The following FAT3 variants were observed in gnomAD, a reference collection of about 807,000 sequenced individuals.
FAT3 encodes the protein protocadherin Fat 3.
A neutral mutation model predicts 310.2 loss-of-function variants in FAT3; 95 were observed. That is an observed-to-expected ratio of 0.31 (90% CI 0.26 to 0.36). FAT3 has a LOEUF of 0.36. Ranked by LOEUF, FAT3 falls within the 10% of genes least tolerant of loss-of-function variation. The pLI, the probability that FAT3 is intolerant of heterozygous loss-of-function variation, is 1.00. For missense variants in FAT3, 5,408 were observed against 5,715.6 expected (o/e 0.95, Z 1.74); for synonymous variants, 2,314 against 2,192.9 (o/e 1.06, Z -1.54).
chr11:92,433,780 G>A (rs534784975), intron 2 of FAT3, among the ~76,000 whole-genome samples: 79 of 152,126 alleles, frequency 5.2e-4, no homozygotes, highest in African/African-American at 1.6e-3. Flanking sequence ...GGAGGCCGAG[G>A]CAGGTGGATC....
At chr11:92,784,193 A>C (rs908142668) in intron 7 of FAT3, among the ~76,000 whole-genome samples, 1 of 152,220 alleles carries the variant, frequency 6.6e-6, no homozygotes, top group Non-Finnish European at 1.5e-5. Flanking sequence ...TAAACCAGAA[A>C]TAATAAAGTC....
chr11:92,392,595 T>C (rs1287533274), intron 2 of FAT3, among the ~76,000 whole-genome samples: 1 of 152,172 alleles, frequency 6.6e-6, no homozygotes, highest in East Asian at 1.9e-4. Context: ...CACCCTATAC[T>C]GTAATGTAGC....
At chr11:92,312,651 C>G (rs1413762551) in intron 1 of FAT3, among the ~76,000 whole-genome samples, 1 of 152,138 alleles carries the variant, frequency 6.6e-6, no homozygotes, top group African/African-American at 2.4e-5. Context: ...AAAACATTCT[C>G]TTTTTGTGAG....
At position 92,574,503 on chromosome 11, in the gene FAT3, A is replaced by T; in HGVS notation, c.3607+49555A>T. Among the ~76,000 whole-genome samples the T allele has an allele frequency of 2.0e-5, 3 of 152,234 alleles. No individual in the cohort carries two copies. The Middle Eastern group carries it at 0.01, about 518-fold the overall frequency. ...TTGCAGGACTTCCATTTCTTCATTG[A>T]TAAAATGGGAAATAATATGAATCAC... On this transcript the variant is annotated intron_variant, in intron 3 of 27. Coordinates refer to ENST00000525166, the MANE Select transcript of FAT3 (RefSeq NM_001367949.2).
chr11:92,470,153 G>A (rs948556548), intron 2 of FAT3, among the ~76,000 whole-genome samples: 5 of 152,150 alleles, frequency 3.3e-5, no homozygotes, highest in Non-Finnish European at 7.3e-5. Flanking sequence ...ATTGCCCGAG[G>A]CAGAACCCAG....
intron 16 of FAT3, 138 bp from the exon 17 acceptor site, chr11:92,837,525 A>G: frequency 9.6e-7 from 1 of 1,038,672 alleles, no homozygotes; most frequent in Admixed American, 2.7e-5. Flanking sequence ...TGGTGCCAAG[A>G]ATCACCCGGT....
intron 4 of FAT3, among the ~76,000 whole-genome samples, chr11:92,706,490 A>T (rs1052451166): frequency 6.6e-6 from 1 of 152,034 alleles, no homozygotes; most frequent in African/African-American, 2.4e-5. Context: ...GCAGGTGTGG[A>T]AGCAGGTAGG....
At chr11:92,562,180 A>C (rs140681860) in intron 3 of FAT3, among the ~76,000 whole-genome samples, 44 of 152,290 alleles carry the variant, frequency 2.9e-4, no homozygotes, top group African/African-American at 1.0e-3. Flanking sequence ...GTTTTTACAT[A>C]TATGAATCAG....
intron 2 of FAT3, among the ~76,000 whole-genome samples, chr11:92,365,564 T>C (rs923686823): frequency 6.6e-6 from 1 of 152,170 alleles, no homozygotes; most frequent in Non-Finnish European, 1.5e-5. Flanking sequence ...GAAGAGGATG[T>C]ATAGATGATT....
chr11:92,318,784 C>T (rs953505531), intron 1 of FAT3, among the ~76,000 whole-genome samples: 2 of 152,012 alleles, frequency 1.3e-5, no homozygotes, highest in African/African-American at 4.8e-5. Context: ...GGGAAGATAC[C>T]AGGAGAACTG....
intron 4 of FAT3, among the ~76,000 whole-genome samples, chr11:92,725,795 TTTATATA>T (rs1201399033): frequency 6.6e-6 from 1 of 152,168 alleles, no homozygotes; most frequent in African/African-American, 2.4e-5. Context: ...TATAATCCTC[TTTATATA>T]GAGACTCCTT....
At chr11:92,272,105 G>A (rs924861982) in intron 1 of FAT3, among the ~76,000 whole-genome samples, 10 of 152,096 alleles carry the variant, frequency 6.6e-5, no homozygotes, top group Non-Finnish European at 1.5e-4. Flanking sequence ...TATGCATCAA[G>A]AAACTCTCTA....
chr11:92,508,377 G>A (rs934123887), intron 2 of FAT3, among the ~76,000 whole-genome samples: 1 of 152,082 alleles, frequency 6.6e-6, no homozygotes, highest in Non-Finnish European at 1.5e-5. Flanking sequence ...ACTGAAGGCT[G>A]TTACTTTATA....
chr11:92,503,867 C>A (rs1953019813), intron 2 of FAT3, among the ~76,000 whole-genome samples: 1 of 152,090 alleles, frequency 6.6e-6, no homozygotes, highest in African/African-American at 2.4e-5. Context: ...TTACAGTTCT[C>A]ACATATGTAA....
At chr11:92,709,310 C>T (rs1230922686) in intron 4 of FAT3, among the ~76,000 whole-genome samples, 1 of 152,156 alleles carries the variant, frequency 6.6e-6, no homozygotes, top group African/African-American at 2.4e-5. Context: ...AAATACGAAA[C>T]TGGATGTGAC....
intron 24 of FAT3, among the ~76,000 whole-genome samples, chr11:92,884,555 GGGAGAAGGAGGAAACA>G (rs1949757046): frequency 6.6e-6 from 1 of 152,176 alleles, no homozygotes; most frequent in Admixed American, 6.5e-5. Flanking sequence ...CATATGCTGA[GGGAGAAGGAGGAAACA>G]GGAAGTTTTC....
chr11:92,371,947 A>G (rs1949196672), intron 2 of FAT3, among the ~76,000 whole-genome samples: 1 of 152,194 alleles, frequency 6.6e-6, no homozygotes, highest in Non-Finnish European at 1.5e-5. Context: ...GATGAAATGG[A>G]GACCACATAT....
At chr11:92,503,580 C>T (rs956248475) in intron 2 of FAT3, among the ~76,000 whole-genome samples, 1 of 152,092 alleles carries the variant, frequency 6.6e-6, no homozygotes, top group African/African-American at 2.4e-5. Flanking sequence ...GATCTTTCAG[C>T]TGAACTCTCA....
At chr11:92,761,629 C>G (rs1318152943) in intron 4 of FAT3, among the ~76,000 whole-genome samples, 1 of 151,996 alleles carries the variant, frequency 6.6e-6, no homozygotes, top group Non-Finnish European at 1.5e-5. Context: ...TCCTTATGAT[C>G]TCATTTAACC....
Sources: gnomAD v4.1 joint callset for allele counts (sites outside exome capture counted in the v4.1 genomes callset) on GRCh38, gnomAD v4.1.1 for gene constraint, MANE v1.5 for transcripts, NCBI Gene and HGNC (gene_info 2026-07-23, HGNC 2026-07-21) for gene names.